Variants in MAF observed in about 807,000 individuals in gnomAD.
The protein encoded by MAF is MAF bZIP transcription factor.
A neutral mutation model predicts 22.0 loss-of-function variants in MAF; 10 were observed. The observed-to-expected ratio is 0.45, with a 90% CI of 0.28 to 0.77. The LOEUF (loss-of-function observed/expected upper bound fraction) is 0.77. Among genes scored for constraint, MAF ranks in the 30% least tolerant of loss-of-function variants. MAF has a pLI of 0.12. For synonymous variants in MAF, 337 were observed against 255.8 expected, an observed-to-expected ratio of 1.32 and a Z score of -3.03; for missense variants, 544 against 548.4, an observed-to-expected ratio of 0.99 and a Z score of 0.08.
chr16:79,502,969 T>C, the MAF span, among the ~76,000 whole-genome samples: 1 of 151,718 alleles, frequency 6.6e-6, no homozygotes, highest in Non-Finnish European at 1.5e-5. Context: ...ATAATGTGGA[T>C]TAAAAAGCTA....
chr16:79,353,087 A>AG, the MAF span, among the ~76,000 whole-genome samples: 2 of 152,036 alleles, frequency 1.3e-5, no homozygotes, highest in African/African-American at 4.8e-5. Context: ...TCATACAAAA[A>AG]AAAATGAAAT....
chr16:79,248,561 A>T, the MAF span, among the ~76,000 whole-genome samples: 1 of 152,172 alleles, frequency 6.6e-6, no homozygotes, highest in Non-Finnish European at 1.5e-5. Flanking sequence ...ACATTTTCTG[A>T]CATGTTTTCC....
chr16:79,460,550 C>G, the MAF span, among the ~76,000 whole-genome samples: 1 of 152,124 alleles, frequency 6.6e-6, no homozygotes, highest in Non-Finnish European at 1.5e-5. Flanking sequence ...CCAGTAGCCT[C>G]TCTCCCTATC....
the MAF span, among the ~76,000 whole-genome samples, chr16:79,434,512 A>C: frequency 6.6e-6 from 1 of 152,108 alleles, no homozygotes; most frequent in African/African-American, 2.4e-5. Flanking sequence ...TTATGATGTG[A>C]GCTCCCATTG....
At chr16:79,220,678 T>G in the MAF span, among the ~76,000 whole-genome samples, 6 of 152,162 alleles carry the variant, frequency 3.9e-5, no homozygotes, top group African/African-American at 1.4e-4. Flanking sequence ...ACTCTTTATT[T>G]TCTTAACATC....
chr16:79,341,007 G>A, the MAF span, among the ~76,000 whole-genome samples: 2 of 152,190 alleles, frequency 1.3e-5, no homozygotes, highest in Admixed American at 1.3e-4. Context: ...GCTATGCAAA[G>A]AGCTGGAGAA....
At chr16:79,223,951 T>C in the MAF span, among the ~76,000 whole-genome samples, 1 of 152,200 alleles carries the variant, frequency 6.6e-6, no homozygotes, top group Non-Finnish European at 1.5e-5. Flanking sequence ...GCTGGTACCA[T>C]ACCTTCTGAA....
the MAF span, among the ~76,000 whole-genome samples, chr16:79,415,392 G>C: frequency 3.3e-3 from 506 of 151,964 alleles, 4 homozygotes; most frequent in African/African-American, 0.01. Flanking sequence ...AAGGAAGGGA[G>C]GGAAAGAGGC....
chr16:79,272,269 G>T, the MAF span, among the ~76,000 whole-genome samples: 982 of 152,324 alleles, frequency 6.4e-3, 2 homozygotes, highest in Middle Eastern at 0.024. Context: ...AACACCAGGC[G>T]GAGAAGAGAA....
At chr16:79,533,062 C>G in the MAF span, among the ~76,000 whole-genome samples, 2 of 152,144 alleles carry the variant, frequency 1.3e-5, no homozygotes, top group Non-Finnish European at 2.9e-5. Flanking sequence ...TTCGGGGTAA[C>G]TTAGTGTCTT....
the MAF span, among the ~76,000 whole-genome samples, chr16:79,293,385 G>T: frequency 6.6e-6 from 1 of 152,186 alleles, no homozygotes; most frequent in South Asian, 2.1e-4. Flanking sequence ...TTATTTTCTG[G>T]AAACAGAGAA....
chr16:79,594,903 C>G, intron 1 of MAF: 1 of 1,189,474 alleles, frequency 8.4e-7, no homozygotes, highest in African/African-American at 1.5e-5. Context: ...TTATATTCAA[C>G]TACCTTGTAG....
At chr16:79,556,360 G>C in the MAF span, among the ~76,000 whole-genome samples, 3 of 152,134 alleles carry the variant, frequency 2.0e-5, no homozygotes, top group Non-Finnish European at 2.9e-5. Flanking sequence ...CCCTCCTCAA[G>C]GCATACCCTG....
the MAF span, among the ~76,000 whole-genome samples, chr16:79,465,569 C>T: frequency 2.8e-3 from 430 of 152,288 alleles, 4 homozygotes; most frequent in African/African-American, 9.8e-3. Context: ...CACCACACTC[C>T]AGCCCGGGTG....
At chr16:79,254,271 A>G in the MAF span, among the ~76,000 whole-genome samples, 18 of 152,150 alleles carry the variant, frequency 1.2e-4, no homozygotes, top group African/African-American at 3.6e-4. Flanking sequence ...CTCTCTCTAC[A>G]TTTATATATA....
At chr16:79,440,227 T>C in the MAF span, among the ~76,000 whole-genome samples, 1 of 152,346 alleles carries the variant, frequency 6.6e-6, no homozygotes, top group African/African-American at 2.4e-5. Context: ...CTGCCCTGGC[T>C]TTGCAGCTGT....
the MAF span, among the ~76,000 whole-genome samples, chr16:79,426,271 G>C: frequency 1.3e-5 from 2 of 151,998 alleles, no homozygotes; most frequent in African/African-American, 4.8e-5. Flanking sequence ...TCGAAGACTT[G>C]GTAGGAAAAC....
the MAF span, among the ~76,000 whole-genome samples, chr16:79,336,032 C>T: frequency 3.3e-5 from 5 of 151,954 alleles, no homozygotes; most frequent in East Asian, 1.9e-4. Context: ...CACAGGGCTG[C>T]GCTCAGGGCA....
chr16:79,402,595 C>T, the MAF span, among the ~76,000 whole-genome samples: 1 of 152,162 alleles, frequency 6.6e-6, no homozygotes, highest in Admixed American at 6.5e-5. Flanking sequence ...CAGGCTGAGG[C>T]CAGAGGAAGG....
Sources: allele counts gnomAD v4.1 joint callset (sites outside exome capture counted in the v4.1 genomes callset), GRCh38; gene constraint gnomAD v4.1.1; transcripts MANE v1.5; gene names NCBI Gene and HGNC (gene_info 2026-07-23, HGNC 2026-07-21).